Variants in POC1B observed in about 807,000 individuals in gnomAD.
POC1B encodes the protein POC1 centriolar protein homolog B.
POC1B carries 44 observed loss-of-function variants against 60.6 expected under a neutral mutation model. The observed-to-expected ratio is 0.73, with a 90% CI of 0.57 to 0.93. The LOEUF (loss-of-function observed/expected upper bound fraction) is 0.93. POC1B is among the 40% of genes least tolerant of loss of function. POC1B has a pLI of 0.00. For missense variants in POC1B, 555 were observed against 572.3 expected (o/e 0.97, Z 0.31); for synonymous variants, 180 against 198.9 (o/e 0.90, Z 0.80).
At chr12:89,523,018 T>C in intron 2 of POC1B, 1 of 1,613,662 alleles carries the variant, frequency 6.2e-7, no homozygotes, top group Non-Finnish European at 8.5e-7. Flanking sequence ...TCCCACATAA[T>C]TTTTTTGCTC....
intron 10 of POC1B, among the ~76,000 whole-genome samples, chr12:89,458,228 G>A (rs765200075): frequency 6.6e-6 from 1 of 152,168 alleles, no homozygotes; most frequent in African/African-American, 2.4e-5. Context: ...TCGCTACAGG[G>A]GGAAAACCTA....
chr12:89,405,721 G>A, the POC1B span, among the ~76,000 whole-genome samples: 3 of 152,034 alleles, frequency 2.0e-5, no homozygotes, highest in Non-Finnish European at 2.9e-5. Context: ...ATGGGAGGTC[G>A]AGATGGGAGG....
intron 10 of POC1B, among the ~76,000 whole-genome samples, chr12:89,445,817 G>C (rs1881757960): frequency 1.3e-5 from 2 of 152,286 alleles, no homozygotes; most frequent in African/African-American, 4.8e-5. Flanking sequence ...AGAGTGAACA[G>C]GCAACCTAAA....
chr12:89,524,923 G>T (rs540914913), intron 2 of POC1B, 197 bp downstream of exon 2: 8 of 863,996 alleles, frequency 9.3e-6, no homozygotes, highest in South Asian at 1.8e-5. Context: ...GCTCTTGGCC[G>T]GGCCGGGGGC....
At chr12:89,500,753 G>C (rs1869519489) in intron 2 of POC1B, 16 of 1,083,960 alleles carry the variant, frequency 1.5e-5, no homozygotes, top group Non-Finnish European at 2.0e-5. Context: ...AATAGAAATA[G>C]ATAGAAATAG....
chr12:89,460,622 C>T (rs1283599217), intron 9 of POC1B: 2 of 152,220 alleles, frequency 1.3e-5, no homozygotes, highest in East Asian at 3.9e-4. Context: ...GACAAATTCA[C>T]TGGAATGCAA....
chr12:89,474,297 T>G (rs1210123646), intron 4 of POC1B, among the ~76,000 whole-genome samples: 2 of 152,052 alleles, frequency 1.3e-5, no homozygotes, highest in Non-Finnish European at 2.9e-5. Context: ...TTACTTAATG[T>G]GACTATGTTA....
chr12:89,446,814 A>G (rs781047608), intron 10 of POC1B, among the ~76,000 whole-genome samples: 2 of 152,226 alleles, frequency 1.3e-5, no homozygotes, highest in African/African-American at 2.4e-5. Context: ...TGTGCATGAA[A>G]TAGGTTGTTA....
intron 10 of POC1B, among the ~76,000 whole-genome samples, chr12:89,436,352 A>G (rs1332201468): frequency 1.3e-5 from 2 of 152,212 alleles, no homozygotes; most frequent in African/African-American, 2.4e-5. Context: ...CATAGCCATT[A>G]AACATGATGG....
intron 10 of POC1B, among the ~76,000 whole-genome samples, chr12:89,459,135 A>T (rs970942947): frequency 7.2e-5 from 11 of 152,136 alleles, no homozygotes; most frequent in African/African-American, 2.7e-4. Context: ...CTGCAACAGC[A>T]TGTGAAATGT....
At position 89,459,725 on chromosome 12, in the gene POC1B, A is replaced by T; in HGVS notation, c.1033-7T>A. 1 of 1,436,486 alleles carries T rather than the reference A, an allele frequency of 7.0e-7. No individual in the cohort carries two copies. The highest frequency in any genetic ancestry group is 9.3e-7 in the Non-Finnish European group (1 of 1,075,252). The allele number at this position is 1,436,486 out of a possible 1,614,324, so 89.0% of individuals were successfully genotyped here. A position where few individuals can be genotyped will look rare whatever the true frequency, so the allele number is the denominator to read the frequency against. ...CCTCAAGCTTTGGATTAATCTGTGT[A>T]TATACATAAAAAAAAATTATGAGAT... is the stretch of plus-strand genomic sequence containing the variant. On this transcript the variant is annotated splice_region_variant and splice_polypyrimidine_tract_variant and intron_variant, in intron 9 of 11. Transcript: ENST00000313546.
chr12:89,503,893 G>A (rs1183059676), intron 2 of POC1B, among the ~76,000 whole-genome samples: 1 of 146,520 alleles, frequency 6.8e-6, no homozygotes, highest in Non-Finnish European at 1.5e-5. Context: ...CAGCCGCCCT[G>A]TCTGAGAAGT....
At chr12:89,512,582 G>A (rs1341415445) in intron 2 of POC1B, among the ~76,000 whole-genome samples, 1 of 152,088 alleles carries the variant, frequency 6.6e-6, no homozygotes, top group Non-Finnish European at 1.5e-5. Flanking sequence ...AATATAGCGA[G>A]GCTCTCTACA....
At chr12:89,524,587 A>AGCCACCAC in intron 2 of POC1B, 1 of 1,606,682 alleles carries the variant, frequency 6.2e-7, no homozygotes, top group Non-Finnish European at 8.5e-7. Flanking sequence ...GCGGCCACCA[A>AGCCACCAC]GCCACCACGC....
intron 2 of POC1B, chr12:89,501,421 A>G: frequency 1.0e-6 from 1 of 995,780 alleles, no homozygotes. Context: ...GGGACAGACT[A>G]AAGATGAAAA....
At position 89,502,322 on chromosome 12, in the gene POC1B, G is replaced by A. The variant is rs184769382; in HGVS notation, c.101-4980C>T. On this transcript the variant is annotated intron_variant, in intron 2 of 11. Coordinates refer to ENST00000313546, the MANE Select transcript of POC1B (RefSeq NM_172240.3). ...TTGCCCTCCAACACACCAAATGTTCGCAGGACCAAGAGAACACGTTTGAAA... is the reference window on the plus strand; with the variant it reads ...TTGCCCTCCAACACACCAAATGTTCACAGGACCAAGAGAACACGTTTGAAA... The A allele has an allele frequency of 1.6e-4, 255 of 1,611,158 alleles. 3 individuals are homozygous for A. In the East Asian group the frequency reaches 5.4e-3, roughly 34 times the overall value.
intron 4 of POC1B, among the ~76,000 whole-genome samples, chr12:89,473,747 C>T (rs2135720621): frequency 6.8e-6 from 1 of 147,986 alleles, no homozygotes; most frequent in East Asian, 2.0e-4. Flanking sequence ...CCTGATTTTA[C>T]AGTAAGTAAA....
At chr12:89,464,857 C>T (rs1882628060) in intron 9 of POC1B, among the ~76,000 whole-genome samples, 1 of 151,390 alleles carries the variant, frequency 6.6e-6, no homozygotes, top group Non-Finnish European at 1.5e-5. Flanking sequence ...ATACAGAATC[C>T]TATCACTCTT....
chr12:89,441,141 C>A (rs1881496176), intron 10 of POC1B, among the ~76,000 whole-genome samples: 1 of 152,230 alleles, frequency 6.6e-6, no homozygotes, highest in Non-Finnish European at 1.5e-5. Flanking sequence ...TGGAACCCAC[C>A]ACAGCTCAAG....
Sources: allele counts gnomAD v4.1 joint callset (sites outside exome capture counted in the v4.1 genomes callset), GRCh38; gene constraint gnomAD v4.1.1; transcripts MANE v1.5; gene names NCBI Gene and HGNC (gene_info 2026-07-23, HGNC 2026-07-21).